Variants in SRRM3 observed in about 807,000 individuals in gnomAD.
SRRM3 encodes the protein serine/arginine repetitive matrix protein 3.
Under a neutral mutation model 66.2 loss-of-function variants are expected in SRRM3, and 27 were observed. The observed-to-expected ratio is 0.41, with a 90% CI of 0.30 to 0.56. The LOEUF (loss-of-function observed/expected upper bound fraction) is 0.56, where lower values mean the gene tolerates loss of function less well. Ranked by LOEUF, SRRM3 falls within the 20% of genes least tolerant of loss-of-function variation. The pLI is 0.32. For synonymous variants in SRRM3, 391 were observed against 414.9 expected (o/e 0.94, Z 0.70); for missense variants, 918 against 991.9 (o/e 0.93, Z 1.00).
intron 2 of SRRM3, among the ~76,000 whole-genome samples, chr7:76,245,030 C>T (rs1801403793): frequency 1.3e-5 from 2 of 152,204 alleles, no homozygotes; most frequent in African/African-American, 2.4e-5. Context: ...GCCTGAACCA[C>T]CTGCCAGGAG....
At chr7:76,233,658 A>T (rs1554604447) in intron 1 of SRRM3, among the ~76,000 whole-genome samples, 1 of 151,668 alleles carries the variant, frequency 6.6e-6, no homozygotes, top group Admixed American at 6.6e-5. Context: ...GTCCCCAGGC[A>T]CTCCCCTCTC....
At chr7:76,211,817 T>C (rs1554601728) in intron 1 of SRRM3, among the ~76,000 whole-genome samples, 2 of 57,152 alleles carry the variant, frequency 3.5e-5, no homozygotes, top group African/African-American at 1.0e-4. Flanking sequence ...CTATTACTAC[T>C]ATTATTATTA....
chr7:76,223,081 C>T (rs1425557081), intron 1 of SRRM3, among the ~76,000 whole-genome samples: 1 of 152,218 alleles, frequency 6.6e-6, no homozygotes, highest in Admixed American at 6.5e-5. Flanking sequence ...TCCTGACGCA[C>T]CCCAGCTGTT....
intron 1 of SRRM3, among the ~76,000 whole-genome samples, chr7:76,205,165 C>T (rs782795111): frequency 3.3e-5 from 5 of 152,136 alleles, no homozygotes; most frequent in African/African-American, 4.8e-5. Context: ...ACTGACCCAG[C>T]GCCTCTGCAG....
At chr7:76,249,706 A>G (rs1801526025) in intron 3 of SRRM3, among the ~76,000 whole-genome samples, 1 of 152,044 alleles carries the variant, frequency 6.6e-6, no homozygotes, top group South Asian at 2.1e-4. Flanking sequence ...CCCCTTGTTC[A>G]CCCTCAGTTT....
chr7:76,274,340 C>T (rs1336139519), intron 11 of SRRM3, among the ~76,000 whole-genome samples: 1 of 152,236 alleles, frequency 6.6e-6, no homozygotes, highest in African/African-American at 2.4e-5. Context: ...GAGCAACGGG[C>T]ACCAGGACTG....
At chr7:76,214,188 T>C (rs1554602265) in intron 1 of SRRM3, among the ~76,000 whole-genome samples, 2 of 152,082 alleles carry the variant, frequency 1.3e-5, no homozygotes, top group Non-Finnish European at 2.9e-5. Flanking sequence ...GAGCCTGGCC[T>C]GGGGCTGGGT....
rs868943449 is a variant in SRRM3 at position 76,285,769 on chromosome 7, C to T, written c.1888C>T (p.Arg630Trp). 1.9e-5 allele frequency: 29 copies of T among 1,550,772 alleles called. No individual in the cohort carries two copies. Among genetic ancestry groups the T allele is most frequent in the African/African-American group, 1.4e-4 (10 of 73,036 alleles). ...CAGTCGCAGCCATGGGACCCGCAGC[C>T]GGACACGCAGCCCCTCGAGGACCCC... is the stretch of plus-strand genomic sequence containing the variant. ...YSSRSHGTRS[R>W]TRSPSRTPSP... Residue 630 changes from arginine to tryptophan, a missense_variant, in exon 15 of 15, where the codon CGG becomes TGG. By Grantham distance (101) the Arg-to-Trp change is moderately radical (BLOSUM62 -3). Coordinates refer to ENST00000611745, the MANE Select transcript of SRRM3 (RefSeq NM_001110199.3). This position sits in a 1 kb window ranked among gnomAD's most constrained non-coding sequence, Gnocchi z 4.1.
intron 1 of SRRM3, among the ~76,000 whole-genome samples, chr7:76,215,407 T>G (rs1415769178): frequency 1.4e-5 from 2 of 146,476 alleles, no homozygotes; most frequent in African/African-American, 5.1e-5. Flanking sequence ...TTTTTTTTTT[T>G]TTTTTTTTTT....
At chr7:76,249,453 C>A (rs550372725) in intron 3 of SRRM3, among the ~76,000 whole-genome samples, 1 of 152,028 alleles carries the variant, frequency 6.6e-6, no homozygotes, top group Non-Finnish European at 1.5e-5. Context: ...GGAGGCACAC[C>A]GGTTTGCCGT....
intron 2 of SRRM3, among the ~76,000 whole-genome samples, chr7:76,242,813 C>A (rs1330208484): frequency 6.6e-6 from 1 of 152,136 alleles, no homozygotes; most frequent in Non-Finnish European, 1.5e-5. Context: ...TCTAATGCCA[C>A]CACTGATCTG....
chr7:76,273,673 G>T (rs1802267192), intron 11 of SRRM3: 1 of 152,184 alleles, frequency 6.6e-6, no homozygotes, highest in Non-Finnish European at 1.5e-5. Context: ...TTTGAATGTG[G>T]TTTTCTTTCT....
At chr7:76,244,033 C>G (rs1174342545) in intron 2 of SRRM3, among the ~76,000 whole-genome samples, 3 of 152,180 alleles carry the variant, frequency 2.0e-5, no homozygotes, top group Non-Finnish European at 4.4e-5. Context: ...CACTGAGGAG[C>G]CAGGGCCCTG....
chr7:76,243,516 G>T (rs1261036368), intron 2 of SRRM3, among the ~76,000 whole-genome samples: 1 of 152,122 alleles, frequency 6.6e-6, no homozygotes, highest in African/African-American at 2.4e-5. Flanking sequence ...TCATCAACTT[G>T]CCTCCAGCCC....
At chr7:76,207,895 A>G (rs1800338897) in intron 1 of SRRM3, among the ~76,000 whole-genome samples, 1 of 152,096 alleles carries the variant, frequency 6.6e-6, no homozygotes, top group Non-Finnish European at 1.5e-5. Flanking sequence ...GAAAGAAATA[A>G]ATATTCTTCC....
intron 8 of SRRM3, among the ~76,000 whole-genome samples, chr7:76,263,905 A>AAAAAAAG (rs1563633331): frequency 3.5e-5 from 5 of 143,742 alleles, no homozygotes; most frequent in African/African-American, 1.4e-4. Context: ...AAAAAAAAAA[A>AAAAAAAG]GCAGGGACAT....
At chr7:76,280,918 CCTCT>C (rs1554611761) in intron 11 of SRRM3, among the ~76,000 whole-genome samples, 1 of 150,052 alleles carries the variant, frequency 6.7e-6, no homozygotes, top group African/African-American at 2.5e-5. Context: ...TTTCTCTCTT[CCTCT>C]CTCTCTCTTC....
At chr7:76,245,370 C>T (rs565577503) in intron 2 of SRRM3, among the ~76,000 whole-genome samples, 47 of 152,200 alleles carry the variant, frequency 3.1e-4, no homozygotes, top group Admixed American at 1.0e-3. Flanking sequence ...CATGCTGCCA[C>T]CATGTCTTCT....
Position 76,235,318 on chromosome 7 carries a change from G to A in SRRM3, c.233+19G>A. The A allele has an allele frequency of 6.7e-7, 1 of 1,484,496 alleles. No homozygotes were observed. Among genetic ancestry groups the A allele is most frequent in the Non-Finnish European group, 8.9e-7 (1 of 1,117,620 alleles). 92.0% of individuals were successfully genotyped at this position (1,484,496 alleles called of 1,614,324 possible). A position where few individuals can be genotyped will look rare whatever the true frequency, so the allele number is the denominator to read the frequency against. On this transcript the variant is annotated intron_variant, in intron 2 of 14. Transcript: ENST00000611745. ...AGCAGGGGTGAGCAGGCCGCGGGGC[G>A]GGACTGGGGTGGGGAGATAGGCGGG...
Sources: allele counts gnomAD v4.1 joint callset (sites outside exome capture counted in the v4.1 genomes callset), GRCh38; gene constraint gnomAD v4.1.1; non-coding constraint Gnocchi (gnomAD v3.1); transcripts MANE v1.5; gene names NCBI Gene and HGNC (gene_info 2026-07-23, HGNC 2026-07-21).